The following DVL1 variants were observed in gnomAD, a reference collection of about 807,000 sequenced individuals.
DVL1 encodes the protein segment polarity protein dishevelled homolog DVL-1.
Under a neutral mutation model 65.0 loss-of-function variants are expected in DVL1, and 49 were observed. The ratio of observed to expected loss-of-function variants is 0.75; its 90% CI spans 0.60 to 0.96. The LOEUF is 0.96. DVL1 is among the 40% of genes least tolerant of loss of function. The probability of loss-of-function intolerance (pLI) is 0.00; values close to 1 mark genes in which losing one functional copy is unlikely to be tolerated. For synonymous variants in DVL1, 608 were observed against 433.9 expected (o/e 1.40, Z -4.99); for missense variants, 1,197 against 1,045.4 (o/e 1.15, Z -2.00).
chr1:1,340,856 T>C (rs371269276), intron 5 of DVL1, among the ~76,000 whole-genome samples: 2,095 of 109,400 alleles, frequency 0.019, 60 homozygotes, highest in African/African-American at 0.069. Context: ...CCTGCACACA[T>C]GCACCCCTGC....
intron 5 of DVL1, among the ~76,000 whole-genome samples, chr1:1,341,394 GAC>G (rs913353622): frequency 3.7e-4 from 57 of 152,046 alleles, no homozygotes; most frequent in African/African-American, 1.3e-3. Flanking sequence ...GCCTCACACA[GAC>G]ACACATGCAC....
chr1:1,339,544 C>G (rs2100726926), intron 10 of DVL1, 38 bp downstream of exon 10: 5 of 1,575,606 alleles, frequency 3.2e-6, no homozygotes, highest in East Asian at 2.3e-5. Context: ...TAGGCGCCCC[C>G]TCCCCATCCC....
At chr1:1,341,965 G>A in intron 4 of DVL1, 88 bp downstream of exon 4, 1 of 1,458,056 alleles carries the variant, frequency 6.9e-7, no homozygotes, top group South Asian at 1.3e-5. Flanking sequence ...CACTGGCTGG[G>A]GGACAGGAAC....
intron 1 of DVL1, among the ~76,000 whole-genome samples, chr1:1,348,411 G>A (rs541040739): frequency 5.9e-5 from 9 of 152,102 alleles, no homozygotes; most frequent in Non-Finnish European, 1.2e-4. Context: ...CCTGTCACAA[G>A]GACCCTGCAG....
In DVL1 at chr1:1,335,778, G is replaced by A. The variant is rs1004947020; in HGVS notation, c.*364C>T. ...ACTCCAGACAGGGGGCCTGTGCACC[G>A]CAGGGGGTTGCCCCGCATGGACCAC... On this transcript the variant is annotated 3_prime_UTR_variant, in exon 15 of 15. Coordinates refer to ENST00000378888, the MANE Select transcript of DVL1 (RefSeq NM_001330311.2). 2.5e-5 allele frequency: 7 copies of A among 277,904 alleles called. No individual in the cohort carries two copies. In the East Asian group the frequency reaches 2.7e-4, roughly 11 times the overall value. 17.2% of individuals were successfully genotyped at this position (277,904 alleles called of 1,614,324 possible).
rs1433724839 is a variant in DVL1 at position 1,340,229 on chromosome 1, C to T, written c.769+18G>A. 2 of 1,613,866 alleles carry T rather than the reference C, an allele frequency of 1.2e-6. No individual in the cohort carries two copies. Among genetic ancestry groups the T allele is most frequent in the South Asian group, 1.1e-5 (1 of 91,086 alleles). On this transcript the variant is annotated intron_variant, in intron 7 of 14. Coordinates refer to ENST00000378888, the MANE Select transcript of DVL1 (RefSeq NM_001330311.2). ...CAAGCCCCTGCCCCTGCCCCCAACC[C>T]TCGCCCCGAGGCCTCACCCATGTTG... is the stretch of plus-strand genomic sequence containing the variant.
Position 1,340,276 on chromosome 1 carries a change from A to G in DVL1, c.740T>C (p.Leu247Pro). ...GTTGAGCGTGACAGTGACGATGTTG[A>G]GGGACATGGTGGAGTCGGTTATGCT... ...FSSITDSTMS[L>P]NIVTVTLNME... Residue 247 changes from leucine (L) to proline (P), a missense_variant, in exon 7 of 15, where the codon CTC becomes CCC. Transcript: ENST00000378888. The G allele has an allele frequency of 1.9e-6, 3 of 1,613,976 alleles. No individual in the cohort carries two copies. Among genetic ancestry groups the G allele is most frequent in the Non-Finnish European group, 2.5e-6 (3 of 1,179,992 alleles).
At position 1,348,901 on chromosome 1, in the gene DVL1, G is replaced by A. The variant is rs754863964; in HGVS notation, c.165C>T (p.Asp55=). The change falls in exon 1 of 15, where the codon GAC becomes GAT. Residue 55 remains aspartate (D), a synonymous_variant. Transcript: ENST00000378888. ...YKFFFKSMDQ[D]FGVVKEEIFD... ...AGGCCTCGCGGCCGACTGACCCGAA[G>A]TCCTGGTCCATGGACTTAAAGAAGA... is the stretch of plus-strand genomic sequence containing the variant. 1.7e-5 allele frequency: 26 copies of A among 1,557,650 alleles called. No individual in the cohort carries two copies. In the East Asian group the frequency reaches 1.8e-4, roughly 11 times the overall value.
At chr1:1,342,963 G>A (rs184378715) in intron 1 of DVL1, among the ~76,000 whole-genome samples, 30 of 151,790 alleles carry the variant, frequency 2.0e-4, no homozygotes, top group Non-Finnish European at 3.5e-4. Flanking sequence ...CAGTCACTCT[G>A]CGGACACCCC....
Position 1,338,562 on chromosome 1 carries a change from G to A in DVL1, c.1299C>T (p.Asp433=), listed in dbSNP as rs1358606223. The change falls in exon 12 of 15, where the codon GAC becomes GAT. Residue 433 remains aspartate (D), a synonymous_variant. Transcript: ENST00000378888. ...QLPDSGLEIR[D]RMWLKITIAN... is the part of the protein sequence containing the mutation. The stretch of plus-strand genomic sequence containing the variant: ...CGATGGTGATCTTGAGCCACATGCG[G>A]TCGCGGATCTCCAGTCCCGAGTCTG... 3 of 1,612,454 alleles carry A rather than the reference G, an allele frequency of 1.9e-6. No individual in the cohort carries two copies. Among genetic ancestry groups the A allele is most frequent in the Admixed American group, 1.7e-5 (1 of 59,994 alleles).
At chr1:1,342,891 C>T (rs1569728102) in intron 1 of DVL1, 133 bp from the exon 2 acceptor site, 1 of 827,390 alleles carries the variant, frequency 1.2e-6, no homozygotes, top group East Asian at 2.6e-5. Context: ...AGCGCATTCT[C>T]CTCTTGGGAA....
At position 1,339,304 on chromosome 1, in the gene DVL1, G is replaced by A. The variant is rs1200009354; in HGVS notation, c.1190C>T (p.Ser397Phe). The change falls in exon 11 of 15, where the codon TCC (serine) becomes TTC (phenylalanine). Residue 397 changes from serine (S) to phenylalanine (F), a missense_variant. Physicochemically the swap from Ser to Phe is radical, Grantham distance 155. Coordinates refer to ENST00000378888, the MANE Select transcript of DVL1 (RefSeq NM_001330311.2). ...TRTSSSSLTS[S>F]VPGAPQLEEA... ...CCACTTACGTGGAGCACCAGGCACG[G>A]AGCTGGTTAGTGAGGAGGAGCTGGT... 2.6e-6 allele frequency: 4 copies of A among 1,548,480 alleles called. No individual in the cohort carries two copies. The highest frequency in any genetic ancestry group is 4.9e-5 in the East Asian group (2 of 40,928).
Position 1,336,132 on chromosome 1 carries a change from G to C in DVL1, c.*10C>G. On this transcript the variant is annotated 3_prime_UTR_variant, in exon 15 of 15. Transcript: ENST00000378888. ...CCCACCTCAGGCAGGGCTGGGGCAT[G>C]CGCCACGAGTCACATGATGTCCACG... 2 of 1,572,078 alleles carry C rather than the reference G, an allele frequency of 1.3e-6. No homozygotes were observed. Among genetic ancestry groups the C allele is most frequent in the South Asian group, 2.3e-5 (2 of 87,342 alleles).
rs775755540 is a variant in DVL1, at chr1:1,348,869, C to T, written c.170+27G>A. The T allele has an allele frequency of 5.3e-6, 8 of 1,504,580 alleles. No individual in the cohort carries two copies. In the East Asian group the frequency reaches 2.0e-4, roughly 38 times the overall value. The allele number at this position is 1,504,580 out of a possible 1,614,324, so 93.2% of individuals were successfully genotyped here. A position where few individuals can be genotyped will look rare whatever the true frequency, so the allele number is the denominator to read the frequency against. ...GTGCGACCCCCGAGCCCGCGCCAGG[C>T]TCGCGCAGGCCTCGCGGCCGACTGA... On this transcript the variant is annotated intron_variant, in intron 1 of 14. Transcript: ENST00000378888.
intron 1 of DVL1, among the ~76,000 whole-genome samples, chr1:1,343,838 G>A (rs1227388131): frequency 6.6e-6 from 1 of 152,206 alleles, no homozygotes; most frequent in African/African-American, 2.4e-5. Flanking sequence ...TGCACCTCAG[G>A]ACCTAGAGGG....
rs1026836522 is a variant in DVL1 at position 1,338,504 on chromosome 1, GC to G, written c.1339+17del. ...GCCCTGCCCCTGGCACTATCCGCCCGCGGGGACGGCCACTCACCGATGACGG... is the reference window on the plus strand; with the variant it reads ...GCCCTGCCCCTGGCACTATCCGCCCGGGGGACGGCCACTCACCGATGACGG... On this transcript the variant is annotated intron_variant, in intron 12 of 14. Coordinates refer to ENST00000378888, the MANE Select transcript of DVL1 (RefSeq NM_001330311.2). 8 of 1,611,696 alleles carry G rather than the reference GC, an allele frequency of 5.0e-6. No homozygotes were observed. The highest frequency in any genetic ancestry group is 6.8e-6 in the Non-Finnish European group (8 of 1,179,346).
In DVL1 at chr1:1,349,397, C is replaced by T. The variant is rs1452433151; in HGVS notation, c.-332G>A. 1 of 145,990 alleles carries T rather than the reference C, an allele frequency of 6.8e-6. No individual in the cohort carries two copies. Among genetic ancestry groups the T allele is most frequent in the South Asian group, 2.1e-4 (1 of 4,820 alleles). The allele number at this position is 145,990 out of a possible 1,614,324, so 9.0% of individuals were successfully genotyped here. A position where few individuals can be genotyped will look rare whatever the true frequency, so the allele number is the denominator to read the frequency against. ...CGCGCCGTTAAAGGGACCGCCCGGC[C>T]CGGGGTCCTGAGCGTGGCCGCGGGG... is the stretch of plus-strand genomic sequence containing the variant. On this transcript the variant is annotated 5_prime_UTR_variant, in exon 1 of 15. Coordinates refer to ENST00000378888, the MANE Select transcript of DVL1 (RefSeq NM_001330311.2). The surrounding 1 kb of genome is among the most constrained non-coding windows in gnomAD (Gnocchi z 4.1).
Position 1,342,388 on chromosome 1 carries a change from C to A in DVL1, c.337G>T (p.Gly113Trp). ...PPPLERTGGI[G>W]DSRPPSFHPN... ...TGGAAGGAGGGGGGCCGGGAGTCCC[C>A]GATGCCGCCTGTCCGCTCAAGAGGC... The change falls in exon 3 of 15, where the codon GGG becomes TGG. Residue 113 changes from glycine (G) to tryptophan (W), a missense_variant. Coordinates refer to ENST00000378888, the MANE Select transcript of DVL1 (RefSeq NM_001330311.2). 1 of 1,587,314 alleles carries A rather than the reference C, an allele frequency of 6.3e-7. No individual in the cohort carries two copies. The highest frequency in any genetic ancestry group is 2.3e-5 in the East Asian group (1 of 43,516).
At chr1:1,337,552 G>A (rs1316447070) in intron 14 of DVL1, among the ~76,000 whole-genome samples, 4 of 152,168 alleles carry the variant, frequency 2.6e-5, no homozygotes, top group African/African-American at 4.8e-5. Context: ...TTGTCACATG[G>A]CCCATGGCCA....
Sources: gnomAD v4.1 joint callset for allele counts (sites outside exome capture counted in the v4.1 genomes callset) on GRCh38, gnomAD v4.1.1 for gene constraint, Gnocchi (gnomAD v3.1) non-coding constraint, MANE v1.5 for transcripts, NCBI Gene and HGNC (gene_info 2026-07-23, HGNC 2026-07-21) for gene names.